TAFA1: variants seen among roughly 807,000 people sequenced by gnomAD.
TAFA1 encodes TAFA chemokine like family member 1.
In TAFA1, 4 loss-of-function variants were observed where a neutral mutation model predicts 18.5. The observed-to-expected ratio is 0.22, with a 90% CI of 0.11 to 0.49. The LOEUF (loss-of-function observed/expected upper bound fraction) is 0.49. Among genes scored for constraint, TAFA1 ranks in the 20% least tolerant of loss-of-function variants. The pLI is 0.98. For missense variants in TAFA1, 147 were observed against 169.0 expected (o/e 0.87, Z 0.72); for synonymous variants, 56 against 55.2 (o/e 1.01, Z -0.06).
chr3:68,296,823 C>T (rs9310020), intron 2 of TAFA1, among the ~76,000 whole-genome samples: 5,614 of 152,180 alleles, frequency 0.037, 336 homozygotes, highest in African/African-American at 0.13. Context: ...CTTGTTATCA[C>T]TGGGGAGACC....
intron 3 of TAFA1, among the ~76,000 whole-genome samples, chr3:68,470,870 T>C (rs894825605): frequency 6.6e-6 from 1 of 152,166 alleles, no homozygotes; most frequent in African/African-American, 2.4e-5. Flanking sequence ...CAAATGTTAA[T>C]CACCAAGACA....
chr3:68,346,697 TGACAAAGCAGACTTCAGAGGCTTCAAGC>T (rs2069170061), intron 2 of TAFA1, among the ~76,000 whole-genome samples: 1 of 152,184 alleles, frequency 6.6e-6, no homozygotes, highest in Admixed American at 6.5e-5. Flanking sequence ...CTCCTTTAAG[TGACAAAGCAGACTTCAGAGGCTTCAAGC>T]GACAAAGTAA....
intron 2 of TAFA1, among the ~76,000 whole-genome samples, chr3:68,079,913 T>A (rs1042600317): frequency 1.3e-5 from 2 of 152,034 alleles, no homozygotes; most frequent in Non-Finnish European, 2.9e-5. Context: ...GACAGTGGGG[T>A]GTTAAAGTCT....
At chr3:68,054,058 T>C (rs375873659) in intron 2 of TAFA1, among the ~76,000 whole-genome samples, 1 of 152,174 alleles carries the variant, frequency 6.6e-6, no homozygotes, top group African/African-American at 2.4e-5. Context: ...TCACAAGTTT[T>C]CTGGACTCCC....
chr3:68,092,053 A>ACAC (rs1172373192), intron 2 of TAFA1, among the ~76,000 whole-genome samples: 1 of 152,118 alleles, frequency 6.6e-6, no homozygotes, highest in Non-Finnish European at 1.5e-5. Context: ...ATTATCTCCC[A>ACAC]AATCACAAAA....
Position 68,008,321 on chromosome 3 carries a change from G to C in TAFA1, c.118+1577G>C, listed in dbSNP as rs181586962. Among the ~76,000 whole-genome samples, 1,066 of 152,318 alleles carry C rather than the reference G, an allele frequency of 7.0e-3. 4 individuals are homozygous for C. Among genetic ancestry groups the C allele is most frequent in the Non-Finnish European group, 0.01 (691 of 68,026 alleles). ...AATCACTTAATCACAATTTGTTCTG[G>C]CACAAATGTCTTTCACTTGTTACAT... On this transcript the variant is annotated intron_variant, in intron 2 of 4. Transcript: ENST00000478136.
chr3:68,530,021 A>C (rs2073168529), intron 3 of TAFA1, among the ~76,000 whole-genome samples: 1 of 152,186 alleles, frequency 6.6e-6, no homozygotes, highest in African/African-American at 2.4e-5. Context: ...CTTTCCTGTA[A>C]TTTATGACAA....
At chr3:68,118,247 G>A (rs561637314) in intron 2 of TAFA1, among the ~76,000 whole-genome samples, 4 of 152,088 alleles carry the variant, frequency 2.6e-5, no homozygotes, top group Middle Eastern at 3.2e-3. Flanking sequence ...TCAGGCATTC[G>A]ATTCTCAAGG....
chr3:68,077,920 T>C (rs986443234), intron 2 of TAFA1, among the ~76,000 whole-genome samples: 2 of 152,172 alleles, frequency 1.3e-5, no homozygotes, highest in Non-Finnish European at 2.9e-5. Flanking sequence ...ACTTTCACGA[T>C]ATTGATTCTT....
chr3:68,536,200 G>T (rs1429468885), intron 3 of TAFA1, among the ~76,000 whole-genome samples: 1 of 152,178 alleles, frequency 6.6e-6, no homozygotes, highest in Non-Finnish European at 1.5e-5. Flanking sequence ...AGTAAGAAAA[G>T]CATAGAAGGA....
chr3:68,382,591 T>C (rs2069994481), intron 2 of TAFA1, among the ~76,000 whole-genome samples: 1 of 152,146 alleles, frequency 6.6e-6, no homozygotes, highest in Non-Finnish European at 1.5e-5. Flanking sequence ...TCTGTTTTTG[T>C]AGTAGTACCA....
intron 2 of TAFA1, among the ~76,000 whole-genome samples, chr3:68,319,881 AT>A (rs1265310135): frequency 6.6e-6 from 1 of 152,192 alleles, no homozygotes; most frequent in Non-Finnish European, 1.5e-5. Flanking sequence ...TAAATTCTTC[AT>A]TATCATAGAA....
At chr3:68,366,103 A>T (rs2069568192) in intron 2 of TAFA1, among the ~76,000 whole-genome samples, 1 of 151,486 alleles carries the variant, frequency 6.6e-6, no homozygotes, top group African/African-American at 2.4e-5. Flanking sequence ...AAAAAAAAAA[A>T]AGAAACCATC....
intron 2 of TAFA1, among the ~76,000 whole-genome samples, chr3:68,301,588 G>C (rs2068303827): frequency 6.6e-6 from 1 of 152,132 alleles, no homozygotes; most frequent in African/African-American, 2.4e-5. Flanking sequence ...CTGGAACTGG[G>C]AAAAGTAAAG....
intron 3 of TAFA1, among the ~76,000 whole-genome samples, chr3:68,458,656 C>T (rs889608576): frequency 4.6e-5 from 7 of 152,150 alleles, no homozygotes; most frequent in African/African-American, 1.4e-4. Context: ...AAATAAATAA[C>T]ATGTTGGCAA....
chr3:68,254,031 A>G (rs2067245524), intron 2 of TAFA1, among the ~76,000 whole-genome samples: 1 of 152,082 alleles, frequency 6.6e-6, no homozygotes, highest in Non-Finnish European at 1.5e-5. Flanking sequence ...TGGGTTTCTG[A>G]AAGTTATGCA....
intron 3 of TAFA1, among the ~76,000 whole-genome samples, chr3:68,433,674 T>TTGATTTGG (rs1218761849): frequency 2.0e-5 from 3 of 152,262 alleles, no homozygotes; most frequent in African/African-American, 7.2e-5. Context: ...AAGATGGATT[T>TTGATTTGG]ATGTTCCAAT....
chr3:68,116,370 T>A (rs1359515213), intron 2 of TAFA1, among the ~76,000 whole-genome samples: 1 of 152,206 alleles, frequency 6.6e-6, no homozygotes, highest in Non-Finnish European at 1.5e-5. Flanking sequence ...CTTTCTTATA[T>A]AAATAAAGTG....
intron 2 of TAFA1, among the ~76,000 whole-genome samples, chr3:68,143,134 C>T (rs182341716): frequency 8.5e-5 from 13 of 152,202 alleles, no homozygotes; most frequent in Admixed American, 4.6e-4. Flanking sequence ...GCTATTTTTA[C>T]ATAACTAGAT....
Sources: gnomAD v4.1 joint callset for allele counts (sites outside exome capture counted in the v4.1 genomes callset) on GRCh38, gnomAD v4.1.1 for gene constraint, MANE v1.5 for transcripts, NCBI Gene and HGNC (gene_info 2026-07-23, HGNC 2026-07-21) for gene names.